The following ABCA13 variants were observed in gnomAD, a reference collection of about 807,000 sequenced individuals.
ABCA13 encodes ATP binding cassette subfamily A member 13.
Under a neutral mutation model 478.7 loss-of-function variants are expected in ABCA13, and 476 were observed. The observed-to-expected ratio is 0.99, with a 90% CI of 0.92 to 1.07. ABCA13 has a LOEUF of 1.07. Ranked by LOEUF, ABCA13 falls within the 50% of genes least tolerant of loss-of-function variation. The probability of loss-of-function intolerance (pLI) is 0.00; values close to 1 mark genes in which losing one functional copy is unlikely to be tolerated. For synonymous variants in ABCA13, 2,252 were observed against 2,158.9 expected (o/e 1.04, Z -1.20); for missense variants, 6,060 against 5,910.6 (o/e 1.03, Z -0.83).
intron 29 of ABCA13, among the ~76,000 whole-genome samples, chr7:48,342,795 T>C (rs2128961566): frequency 6.6e-6 from 1 of 152,310 alleles, no homozygotes; most frequent in East Asian, 1.9e-4. Flanking sequence ...CAGTTTGTGA[T>C]TTCTTTTCTT....
At chr7:48,424,463 C>CT (rs927598004) in intron 41 of ABCA13, among the ~76,000 whole-genome samples, 5 of 152,158 alleles carry the variant, frequency 3.3e-5, no homozygotes, top group African/African-American at 4.8e-5. Context: ...AGCAAAACAA[C>CT]TTTTTTTCCC....
At chr7:48,587,859 G>A (rs1480928992) in intron 57 of ABCA13, among the ~76,000 whole-genome samples, 2 of 152,188 alleles carry the variant, frequency 1.3e-5, no homozygotes, top group Admixed American at 1.3e-4. Context: ...CAATTGTCAA[G>A]AAATGGAGTT....
intron 42 of ABCA13, among the ~76,000 whole-genome samples, chr7:48,431,615 T>C (rs1019688160): frequency 1.3e-5 from 2 of 152,258 alleles, no homozygotes; most frequent in South Asian, 2.1e-4. Flanking sequence ...CTGATTATTA[T>C]TGTAGAATTG....
In ABCA13 at chr7:48,371,816, C is replaced by G. The variant is rs1283540013; in HGVS notation, c.10804-352C>G. Among the ~76,000 whole-genome samples the G allele has an allele frequency of 2.0e-5, 3 of 152,154 alleles. No individual in the cohort carries two copies. In the East Asian group the frequency reaches 5.8e-4, roughly 29 times the overall value. On this transcript the variant is annotated intron_variant, in intron 32 of 61. Transcript: ENST00000435803. ...GTCTATTTGGCCTGGCCAGAACTTC[C>G]AATACAGTGTTGAATAGGAGTGGTG...
intron 45 of ABCA13, among the ~76,000 whole-genome samples, chr7:48,473,709 AG>A (rs879572944): frequency 6.6e-6 from 1 of 152,144 alleles, no homozygotes; most frequent in Non-Finnish European, 1.5e-5. Flanking sequence ...GCTTAGCCCA[AG>A]GGGGATGGGG....
At chr7:48,270,597 A>AT (rs944601995) in intron 16 of ABCA13, among the ~76,000 whole-genome samples, 28 of 152,016 alleles carry the variant, frequency 1.8e-4, no homozygotes, top group Non-Finnish European at 4.1e-4. Context: ...TTCTGATGGG[A>AT]TTTTTTCCCT....
chr7:48,609,427 G>A (rs757989867), intron 58 of ABCA13, among the ~76,000 whole-genome samples: 42 of 152,088 alleles, frequency 2.8e-4, no homozygotes, highest in Non-Finnish European at 5.3e-4. Flanking sequence ...TAAAATGGCA[G>A]ACTTTGTTGA....
intron 19 of ABCA13, among the ~76,000 whole-genome samples, chr7:48,283,848 G>A (rs1402554485): frequency 1.3e-5 from 2 of 152,198 alleles, no homozygotes; most frequent in Non-Finnish European, 2.9e-5. Flanking sequence ...AGAAGCAGGC[G>A]CTTTGAGATT....
intron 54 of ABCA13, among the ~76,000 whole-genome samples, chr7:48,526,508 GTGT>G (rs1832900303): frequency 6.6e-6 from 1 of 152,152 alleles, no homozygotes; most frequent in South Asian, 2.1e-4. Flanking sequence ...ATACAGTCCT[GTGT>G]TGTTTAACAA....
chr7:48,382,900 G>C (rs1336523159), intron 35 of ABCA13, among the ~76,000 whole-genome samples: 1 of 152,054 alleles, frequency 6.6e-6, no homozygotes, highest in Non-Finnish European at 1.5e-5. Context: ...CATCTTCCTG[G>C]AACAGGAAGG....
rs774628749 is a variant in ABCA13, at chr7:48,466,946, T to C, written c.12816-10T>C. 3.7e-6 allele frequency: 6 copies of C among 1,613,714 alleles called. No homozygotes were observed. The highest frequency in any genetic ancestry group is 1.7e-5 in the Admixed American group (1 of 59,986). On this transcript the variant is annotated splice_polypyrimidine_tract_variant and intron_variant, in intron 43 of 61. Transcript: ENST00000435803. ...CCACTTTGTTTCCTTTGTCTCACAA[T>C]GAACAGCAGCAGTGGGGGCGACAAC... is the stretch of plus-strand genomic sequence containing the variant.
At chr7:48,492,917 T>C (rs1298758794) in intron 48 of ABCA13, among the ~76,000 whole-genome samples, 1 of 151,974 alleles carries the variant, frequency 6.6e-6, no homozygotes, top group African/African-American at 2.4e-5. Context: ...TCCCAGCTAC[T>C]TGGGAGGCTG....
chr7:48,244,525 G>C, intron 10 of ABCA13, 51 bp from the exon 11 acceptor site: 5 of 1,570,602 alleles, frequency 3.2e-6, no homozygotes, highest in Non-Finnish European at 4.3e-6. Flanking sequence ...TCCCTAATTG[G>C]CACTTCGAAC....
In ABCA13 at chr7:48,409,213, G is replaced by T. The variant is rs568224557; in HGVS notation, c.12071-1307G>T. Among the ~76,000 whole-genome samples the T allele has an allele frequency of 5.3e-5, 8 of 152,230 alleles. No homozygotes were observed. The South Asian group carries it at 1.5e-3, about 28-fold the overall frequency. On this transcript the variant is annotated intron_variant, in intron 39 of 61. Coordinates refer to ENST00000435803, the MANE Select transcript of ABCA13 (RefSeq NM_152701.5). ...TAATAAAACGGAACAGGTTGAATGG[G>T]GCTCAGTGAAAGCCAATAGGGAGTG...
At chr7:48,501,054 C>T (rs1830696770) in intron 48 of ABCA13, among the ~76,000 whole-genome samples, 2 of 152,128 alleles carry the variant, frequency 1.3e-5, no homozygotes, top group Non-Finnish European at 2.9e-5. Flanking sequence ...AATTACTGTC[C>T]AGTGCCCCGG....
At chr7:48,523,778 A>T (rs1832713405) in intron 53 of ABCA13, among the ~76,000 whole-genome samples, 1 of 152,118 alleles carries the variant, frequency 6.6e-6, no homozygotes, top group African/African-American at 2.4e-5. Context: ...TTTGCAAAGT[A>T]TTGTGCAAAG....
intron 43 of ABCA13, among the ~76,000 whole-genome samples, chr7:48,460,286 A>G (rs1393091479): frequency 6.6e-6 from 1 of 152,170 alleles, no homozygotes; most frequent in African/African-American, 2.4e-5. Flanking sequence ...CTTAACAGAA[A>G]TGTATTTTCT....
At chr7:48,609,436 GA>G (rs1448743265) in intron 58 of ABCA13, among the ~76,000 whole-genome samples, 3 of 152,000 alleles carry the variant, frequency 2.0e-5, no homozygotes, top group Non-Finnish European at 4.4e-5. Flanking sequence ...AGACTTTGTT[GA>G]AAAAAAGTCT....
chr7:48,257,014 G>T (rs773519012), intron 15 of ABCA13, among the ~76,000 whole-genome samples: 7 of 152,116 alleles, frequency 4.6e-5, no homozygotes, highest in Non-Finnish European at 8.8e-5. Context: ...TCATTGAGGA[G>T]ATCTTTCGCC....
Sources: allele counts gnomAD v4.1 joint callset (sites outside exome capture counted in the v4.1 genomes callset), GRCh38; gene constraint gnomAD v4.1.1; transcripts MANE v1.5; gene names NCBI Gene and HGNC (gene_info 2026-07-23, HGNC 2026-07-21).